Variants in CIB4 observed in about 807,000 individuals in gnomAD.
CIB4 encodes the protein calcium and integrin-binding family member 4.
Under a neutral mutation model 25.8 loss-of-function variants are expected in CIB4, and 25 were observed. The observed-to-expected ratio is 0.97, with a 90% confidence interval of 0.71 to 1.35. The LOEUF is 1.35. CIB4 is among the 40% of genes most tolerant of loss of function. CIB4 has a pLI of 0.00. For synonymous variants in CIB4, 75 were observed against 81.4 expected (o/e 0.92, Z 0.42); for missense variants, 235 against 228.2 (o/e 1.03, Z -0.19).
intron 3 of CIB4, among the ~76,000 whole-genome samples, chr2:26,610,924 C>T (rs1337600637): frequency 6.6e-6 from 1 of 151,138 alleles, no homozygotes; most frequent in Non-Finnish European, 1.5e-5. Flanking sequence ...GGAATGTTTT[C>T]CAGGAAAACG....
chr2:26,614,645 A>T lies in CIB4; in HGVS notation c.186+14765T>A, dbSNP rs185795615. On this transcript the variant is annotated intron_variant, in intron 3 of 6. Transcript: ENST00000288861. ...CCCTCCATCTCCCGAGCCTCCATTT[A>T]CTCATCTGCCAAGTGGGGCTGATTA... Among the ~76,000 whole-genome samples the T allele has an allele frequency of 5.3e-3, 808 of 152,104 alleles. 9 individuals are homozygous for T. Among genetic ancestry groups the T allele is most frequent in the Middle Eastern group, 0.014 (4 of 294 alleles).
intron 3 of CIB4, chr2:26,623,437 A>C: frequency 2.2e-6 from 1 of 444,708 alleles, no homozygotes; most frequent in African/African-American, 2.0e-5. Context: ...TGAAAGGCTG[A>C]GTAAATTTCA....
intron 2 of CIB4, 147 bp downstream of exon 2, chr2:26,640,386 G>A (rs1397493720): frequency 2.5e-6 from 2 of 793,980 alleles, no homozygotes; most frequent in Admixed American, 5.2e-5. Context: ...TCCCATCCCT[G>A]CCTGCCGTGT....
intron 4 of CIB4, among the ~76,000 whole-genome samples, chr2:26,590,560 CCTTT>C (rs1668570674): frequency 6.6e-6 from 1 of 152,136 alleles, no homozygotes; most frequent in African/African-American, 2.4e-5. Context: ...TTCTCCTTTC[CCTTT>C]CTGTCTCCTT....
In CIB4 at chr2:26,618,432, C is replaced by T. The variant is rs534228167; in HGVS notation, c.186+10978G>A. ...TTCTGAGCAGCTGAGGCTACAGGTG[C>T]ACACCACCATGCCTGGCTAATTTTT... On this transcript the variant is annotated intron_variant, in intron 3 of 6. Transcript: ENST00000288861. Among the ~76,000 whole-genome samples, 99 of 152,296 alleles carry T rather than the reference C, an allele frequency of 6.5e-4. 1 individual carries two copies. The highest frequency in any genetic ancestry group is 2.2e-3 in the African/African-American group (93 of 41,562).
At chr2:26,621,998 A>G (rs1311346715) in intron 3 of CIB4, among the ~76,000 whole-genome samples, 1 of 152,206 alleles carries the variant, frequency 6.6e-6, no homozygotes, top group East Asian at 1.9e-4. Context: ...ACAAAACTAC[A>G]CAGAAAGGGA....
intron 3 of CIB4, among the ~76,000 whole-genome samples, chr2:26,618,541 C>A (rs1194793197): frequency 1.3e-5 from 2 of 152,180 alleles, no homozygotes; most frequent in African/African-American, 4.8e-5. Context: ...CTCAAGTAAT[C>A]CTCCCACCTC....
chr2:26,622,402 C>T (rs1224495780), intron 3 of CIB4, among the ~76,000 whole-genome samples: 1 of 151,972 alleles, frequency 6.6e-6, no homozygotes, highest in Non-Finnish European at 1.5e-5. Flanking sequence ...AAAACATTGA[C>T]TATTGATCTC....
intron 2 of CIB4, among the ~76,000 whole-genome samples, chr2:26,638,013 G>T (rs1404024174): frequency 2.0e-5 from 3 of 152,166 alleles, no homozygotes; most frequent in African/African-American, 7.2e-5. Context: ...ACCACCCCCA[G>T]CGCTGACGCA....
At chr2:26,584,049 G>A (rs1668404704) in intron 4 of CIB4, 151 bp from the exon 5 acceptor site, 3 of 609,284 alleles carry the variant, frequency 4.9e-6, no homozygotes, top group South Asian at 2.0e-5. Flanking sequence ...TCTCCCAGGT[G>A]GGTCACACGT....
intron 3 of CIB4, among the ~76,000 whole-genome samples, chr2:26,598,671 G>T (rs1250542680): frequency 6.6e-6 from 1 of 152,162 alleles, no homozygotes; most frequent in African/African-American, 2.4e-5. Flanking sequence ...GCAGGCACCT[G>T]CCAGGAGAGT....
intron 4 of CIB4, among the ~76,000 whole-genome samples, chr2:26,589,804 G>C (rs1245883006): frequency 6.6e-6 from 1 of 152,152 alleles, no homozygotes; most frequent in Non-Finnish European, 1.5e-5. Flanking sequence ...AAAAATGCCG[G>C]GTGGGGCTTC....
chr2:26,607,919 C>A (rs1264988913), intron 3 of CIB4, among the ~76,000 whole-genome samples: 2 of 152,234 alleles, frequency 1.3e-5, no homozygotes, highest in South Asian at 2.1e-4. Flanking sequence ...GTCACCTCCA[C>A]GTGAAATCTC....
intron 6 of CIB4, 72 bp downstream of exon 6, chr2:26,582,753 G>T: frequency 1.1e-6 from 1 of 876,626 alleles, no homozygotes; most frequent in Non-Finnish European, 1.9e-6. Flanking sequence ...CCCATGGAGT[G>T]AGGAGAGACT....
intron 3 of CIB4, among the ~76,000 whole-genome samples, chr2:26,628,140 C>G (rs1669344149): frequency 6.6e-6 from 1 of 152,236 alleles, no homozygotes; most frequent in African/African-American, 2.4e-5. Context: ...GTGACATTTC[C>G]TCTCAATGCA....
At chr2:26,581,578 C>T (rs373169051) in intron 6 of CIB4, among the ~76,000 whole-genome samples, 185 bp from the exon 7 acceptor site, 11 of 152,184 alleles carry the variant, frequency 7.2e-5, no homozygotes, top group East Asian at 5.8e-4. Context: ...CTTTCAGCAT[C>T]ACCCCAAGGC....
intron 3 of CIB4, among the ~76,000 whole-genome samples, chr2:26,607,990 C>A (rs117995694): frequency 1.3e-5 from 2 of 152,350 alleles, no homozygotes; most frequent in East Asian, 3.9e-4. Flanking sequence ...GTAATCCCAG[C>A]ACTTTGCAAG....
chr2:26,612,282 A>G (rs1309143799), intron 3 of CIB4, among the ~76,000 whole-genome samples: 1 of 152,260 alleles, frequency 6.6e-6, no homozygotes, highest in East Asian at 1.9e-4. Flanking sequence ...TCAGAGCTCA[A>G]TAAGAACGGA....
At chr2:26,638,103 T>C (rs537276449) in intron 2 of CIB4, among the ~76,000 whole-genome samples, 8 of 152,112 alleles carry the variant, frequency 5.3e-5, no homozygotes, top group African/African-American at 1.9e-4. Context: ...CAGGAATGGG[T>C]CTCTCAAGAG....
Sources: allele counts gnomAD v4.1 joint callset (sites outside exome capture counted in the v4.1 genomes callset), GRCh38; gene constraint gnomAD v4.1.1; transcripts MANE v1.5; gene names NCBI Gene and HGNC (gene_info 2026-07-23, HGNC 2026-07-21).